Variants in SETBP1 observed in about 807,000 individuals in gnomAD.
The protein encoded by SETBP1 is SET-binding protein.
SETBP1 carries 9 observed loss-of-function variants against 101.0 expected under a neutral mutation model. The observed-to-expected ratio is 0.09, with a 90% CI of 0.05 to 0.16. SETBP1 has a LOEUF of 0.16. Among genes scored for constraint, SETBP1 ranks in the 10% least tolerant of loss-of-function variants. The probability of loss-of-function intolerance (pLI) is 1.00; values close to 1 mark genes in which losing one functional copy is unlikely to be tolerated. For missense variants in SETBP1, 1,858 were observed against 2,033.8 expected (o/e 0.91, Z 1.66); for synonymous variants, 818 against 788.5 (o/e 1.04, Z -0.63).
intron 2 of SETBP1, among the ~76,000 whole-genome samples, chr18:44,828,850 G>A (rs1335039517): frequency 6.6e-6 from 1 of 152,268 alleles, no homozygotes; most frequent in Non-Finnish European, 1.5e-5. Context: ...TCTCCACCAT[G>A]TGAGGACACA....
intron 2 of SETBP1, among the ~76,000 whole-genome samples, chr18:44,737,237 G>A (rs2069988462): frequency 6.6e-6 from 1 of 152,196 alleles, no homozygotes; most frequent in Non-Finnish European, 1.5e-5. Flanking sequence ...AGCAGTAACA[G>A]CTTTCACTGT....
At chr18:44,980,467 C>T (rs370675077) in intron 4 of SETBP1, among the ~76,000 whole-genome samples, 1 of 151,040 alleles carries the variant, frequency 6.6e-6, no homozygotes, top group Non-Finnish European at 1.5e-5. Flanking sequence ...TTCTCTGATT[C>T]GCACATTCTT....
intron 3 of SETBP1, among the ~76,000 whole-genome samples, chr18:44,927,660 C>T (rs1043021508): frequency 7.2e-5 from 11 of 152,230 alleles, no homozygotes; most frequent in Admixed American, 5.2e-4. Context: ...GTAACCAGAG[C>T]CAGGTCTGGG....
chr18:44,850,480 C>T (rs903278906), intron 2 of SETBP1, among the ~76,000 whole-genome samples: 2 of 152,100 alleles, frequency 1.3e-5, no homozygotes, highest in African/African-American at 4.8e-5. Context: ...AAGCAATTCT[C>T]CTGTCTCAGC....
At chr18:45,041,967 A>T (rs1446379961) in intron 5 of SETBP1, among the ~76,000 whole-genome samples, 1 of 150,516 alleles carries the variant, frequency 6.6e-6, no homozygotes, top group African/African-American at 2.4e-5. Context: ...AAAAAAAAAT[A>T]AAAAATTTTA....
chr18:44,836,129 T>TA (rs928643441), intron 2 of SETBP1, among the ~76,000 whole-genome samples: 25 of 151,974 alleles, frequency 1.6e-4, no homozygotes, highest in Admixed American at 3.3e-4. Context: ...CTTTTTTTTT[T>TA]TTATTGTAAA....
intron 2 of SETBP1, among the ~76,000 whole-genome samples, chr18:44,738,971 C>T (rs1003583073): frequency 2.0e-5 from 3 of 152,110 alleles, no homozygotes; most frequent in Non-Finnish European, 4.4e-5. Context: ...GTTGACAGAG[C>T]TGTATTCATT....
intron 2 of SETBP1, among the ~76,000 whole-genome samples, chr18:44,828,243 T>C (rs2072278219): frequency 6.6e-6 from 1 of 152,164 alleles, no homozygotes; most frequent in Admixed American, 6.5e-5. Context: ...CCCAGGGATC[T>C]CCAGTTAGGA....
chr18:44,953,889 C>T (rs1233992620), intron 4 of SETBP1, among the ~76,000 whole-genome samples: 2 of 152,140 alleles, frequency 1.3e-5, no homozygotes, highest in African/African-American at 2.4e-5. Context: ...CATATTGTTT[C>T]CATTTTTTTT....
chr18:44,808,485 A>T (rs1225267332), intron 2 of SETBP1, among the ~76,000 whole-genome samples: 1 of 152,112 alleles, frequency 6.6e-6, no homozygotes, highest in Non-Finnish European at 1.5e-5. Context: ...CTTCAGGGGG[A>T]GACCTGAGGT....
intron 2 of SETBP1, 147 bp from the exon 3 acceptor site, chr18:44,869,083 G>A (rs1599251293): frequency 1.4e-6 from 1 of 729,004 alleles, no homozygotes; most frequent in East Asian, 2.7e-5. Context: ...TAGATTCCCA[G>A]TCCAGAAATC....
At chr18:44,789,773 T>C (rs911779885) in intron 2 of SETBP1, among the ~76,000 whole-genome samples, 4 of 152,192 alleles carry the variant, frequency 2.6e-5, no homozygotes, top group African/African-American at 9.7e-5. Flanking sequence ...CCAACCTGTG[T>C]GCATAGTAAA....
intron 2 of SETBP1, among the ~76,000 whole-genome samples, chr18:44,848,222 G>A (rs1210412602): frequency 6.6e-6 from 1 of 152,148 alleles, no homozygotes; most frequent in South Asian, 2.1e-4. Context: ...GCGATGCAGG[G>A]GTGGGAAAGA....
At chr18:44,838,297 T>C (rs903813214) in intron 2 of SETBP1, among the ~76,000 whole-genome samples, 2 of 152,250 alleles carry the variant, frequency 1.3e-5, no homozygotes, top group Admixed American at 6.5e-5. Flanking sequence ...ATGTTTAGTA[T>C]TGAGCTGTAT....
chr18:44,984,939 G>A (rs1348560230), intron 4 of SETBP1, among the ~76,000 whole-genome samples: 3 of 152,100 alleles, frequency 2.0e-5, no homozygotes, highest in African/African-American at 4.8e-5. Flanking sequence ...TCAGGAGTTC[G>A]AGACCAGCCC....
chr18:44,881,764 C>A (rs1568198095), intron 3 of SETBP1, among the ~76,000 whole-genome samples: 1 of 152,136 alleles, frequency 6.6e-6, no homozygotes, highest in Non-Finnish European at 1.5e-5. Flanking sequence ...GCAGGCTGGA[C>A]CCAGTGCCCC....
At chr18:44,880,307 T>C (rs2069500782) in intron 3 of SETBP1, among the ~76,000 whole-genome samples, 1 of 152,220 alleles carries the variant, frequency 6.6e-6, no homozygotes, top group Non-Finnish European at 1.5e-5. Context: ...TGCAGAACTC[T>C]TGTTTCCAGC....
At chr18:44,954,099 A>C (rs1012987310) in intron 4 of SETBP1, among the ~76,000 whole-genome samples, 2 of 152,008 alleles carry the variant, frequency 1.3e-5, no homozygotes, top group African/African-American at 4.8e-5. Flanking sequence ...TTTAAACTGA[A>C]ATGCTGGTTG....
intron 2 of SETBP1, among the ~76,000 whole-genome samples, chr18:44,714,349 C>G (rs1568105008): frequency 6.6e-6 from 1 of 152,092 alleles, no homozygotes; most frequent in African/African-American, 2.4e-5. Flanking sequence ...CAGGTGCATG[C>G]CACAACACCG....
Sources: gnomAD v4.1 joint callset for allele counts (sites outside exome capture counted in the v4.1 genomes callset) on GRCh38, gnomAD v4.1.1 for gene constraint, MANE v1.5 for transcripts, NCBI Gene and HGNC (gene_info 2026-07-23, HGNC 2026-07-21) for gene names.